FANCI: variants seen among roughly 807,000 people sequenced by gnomAD.
The protein encoded by FANCI is Fanconi anemia group I protein.
A neutral mutation model predicts 176.1 loss-of-function variants in FANCI; 156 were observed. That is an observed-to-expected ratio of 0.89 (90% CI 0.78 to 1.01). The LOEUF (loss-of-function observed/expected upper bound fraction) is 1.01. FANCI is among the 50% of genes least tolerant of loss of function. The probability of loss-of-function intolerance (pLI) is 0.00; values close to 1 mark genes in which losing one functional copy is unlikely to be tolerated. For missense variants in FANCI, 1,678 were observed against 1,534.1 expected (o/e 1.09, Z -1.57); for synonymous variants, 613 against 541.7 (o/e 1.13, Z -1.83).
chr15:89,276,001 T>A (rs2053397215), intron 12 of FANCI, among the ~76,000 whole-genome samples: 1 of 152,248 alleles, frequency 6.6e-6, no homozygotes, highest in African/African-American at 2.4e-5. Context: ...GTATGAATAT[T>A]GTTAACTCTG....
Position 89,291,634 on chromosome 15 carries a change from A to C in FANCI, c.1912A>C (p.Lys638Gln). ...ACAGTTAAAACAGTTCTATGAGCCAAAACCTGATCTGCTGCCTCCTCTGAA... is the reference window on the plus strand; with the variant it reads ...ACAGTTAAAACAGTTCTATGAGCCACAACCTGATCTGCTGCCTCCTCTGAA... ...LSQLKQFYEPKPDLLPPLKLE... is the reference protein window; with the variant it reads ...LSQLKQFYEPQPDLLPPLKLE... Residue 638 changes from lysine to glutamine, a missense_variant, in exon 20 of 38, where the codon AAA becomes CAA. Physicochemically the swap from Lys to Gln is moderately conservative, Grantham distance 53 (BLOSUM62 1). Transcript: ENST00000310775. 6.2e-7 allele frequency: 1 copy of C among 1,613,846 alleles called. No homozygotes were observed. The highest frequency in any genetic ancestry group is 8.5e-7 in the Non-Finnish European group (1 of 1,179,840).
At position 89,260,722 on chromosome 15, in the gene FANCI, G is replaced by T. The variant is rs1278772847; in HGVS notation, c.167G>T (p.Cys56Phe). ...TGTTTAAAACAATAAGGTTCCCCCT[G>T]CTCTGAGGAAGCTGGAACACTTAGG... The part of the protein sequence containing the change: ...LLRAIFKGSP[C>F]SEEAGTLRRR... The change falls in exon 4 of 38, where the codon TGC becomes TTC. Residue 56 changes from cysteine to phenylalanine, a missense_variant. Around this residue, in one of 3 missense-constraint regions of FANCI, gnomAD observed 469 missense variants for 436.9 expected, o/e 1.07. Transcript: ENST00000310775. 1.9e-6 allele frequency: 3 copies of T among 1,613,590 alleles called. No homozygotes were observed. The highest frequency in any genetic ancestry group is 1.7e-6 in the Non-Finnish European group (2 of 1,179,814).
intron 37 of FANCI, among the ~76,000 whole-genome samples, chr15:89,315,909 C>T (rs1289367859): frequency 6.6e-6 from 1 of 152,220 alleles, no homozygotes; most frequent in Non-Finnish European, 1.5e-5. Flanking sequence ...ACTTCTAGCA[C>T]CTAAAATTTT....
intron 20 of FANCI, among the ~76,000 whole-genome samples, chr15:89,291,937 C>T (rs2054085777): frequency 6.6e-6 from 1 of 152,184 alleles, no homozygotes; most frequent in African/African-American, 2.4e-5. Flanking sequence ...TCCATCACTT[C>T]CCCCAGAGAA....
chr15:89,279,203 C>T (rs975573408), intron 14 of FANCI, among the ~76,000 whole-genome samples: 2 of 151,986 alleles, frequency 1.3e-5, no homozygotes, highest in Admixed American at 1.3e-4. Context: ...CACTCTGTTG[C>T]CTGGAGTGCA....
chr15:89,300,937 A>G (rs1447297794), intron 26 of FANCI, among the ~76,000 whole-genome samples: 1 of 152,256 alleles, frequency 6.6e-6, no homozygotes, highest in Non-Finnish European at 1.5e-5. Flanking sequence ...ACACTGACAA[A>G]TAATCAAATA....
intron 34 of FANCI, among the ~76,000 whole-genome samples, chr15:89,311,729 TCTC>T (rs1339097610): frequency 1.3e-5 from 2 of 152,190 alleles, no homozygotes; most frequent in South Asian, 2.1e-4. Flanking sequence ...GTGGAACAAG[TCTC>T]CTGTTTCTCT....
chr15:89,316,892 A>AGCAAAGGAGCTTAAT lies in FANCI; in HGVS notation c.*436_*450dup. On this transcript the variant is annotated 3_prime_UTR_variant, in exon 38 of 38. Coordinates refer to ENST00000310775, the MANE Select transcript of FANCI (RefSeq NM_001113378.2). ...AACTGTAACTGAGAGCTCAGAAGTG[A>AGCAAAGGAGCTTAAT]GCAAAGGAGCTTAATGCTAAGGTCA... The AGCAAAGGAGCTTAAT allele has an allele frequency of 8.6e-7, 1 of 1,156,660 alleles. No individual in the cohort carries two copies. Among genetic ancestry groups the AGCAAAGGAGCTTAAT allele is most frequent in the Non-Finnish European group, 1.3e-6 (1 of 762,366 alleles). The allele number at this position is 1,156,660 out of a possible 1,614,324, so 71.6% of individuals were successfully genotyped here. A position where few individuals can be genotyped will look rare whatever the true frequency, so the allele number is the denominator to read the frequency against.
chr15:89,290,215 G>A lies in FANCI; in HGVS notation c.1824G>A (p.Gly608=), dbSNP rs777877618. ...TTCTTCTCTTTGATTCCTCTTAGGG[G>A]TTTTATGATGTTCTTCGAAGGAACT... ...QADVRLMLYE[G]FYDVLRRNSQ... Residue 608 remains glycine, a splice_region_variant and synonymous_variant, in exon 19 of 38, where the codon GGG becomes GGA. Transcript: ENST00000310775. 1.9e-6 allele frequency: 3 copies of A among 1,612,968 alleles called. No individual in the cohort carries two copies. Among genetic ancestry groups the A allele is most frequent in the South Asian group, 2.2e-5 (2 of 91,054 alleles).
intron 24 of FANCI, among the ~76,000 whole-genome samples, chr15:89,295,842 C>T (rs187980214): frequency 6.7e-5 from 10 of 150,352 alleles, no homozygotes; most frequent in African/African-American, 2.2e-4. Flanking sequence ...GGTGCAATCT[C>T]GGCTCACTAC....
intron 2 of FANCI, among the ~76,000 whole-genome samples, chr15:89,253,321 T>G (rs1486845279): frequency 1.3e-5 from 2 of 151,208 alleles, no homozygotes; most frequent in Non-Finnish European, 2.9e-5. Flanking sequence ...AAGCTCCAAA[T>G]GAATCAGAAA....
rs1312588694 is a variant in FANCI, at chr15:89,296,951, G to C, written c.2636+1857G>C. ...CCCCACCTCCCTCCCGGACGGGGCGGCTGGCCGGGCGGGGGGCTGACCCCC... is the reference window on the plus strand; with the variant it reads ...CCCCACCTCCCTCCCGGACGGGGCGCCTGGCCGGGCGGGGGGCTGACCCCC... On this transcript the variant is annotated intron_variant, in intron 24 of 37. Coordinates refer to ENST00000310775, the MANE Select transcript of FANCI (RefSeq NM_001113378.2). 1.3e-3 allele frequency among the ~76,000 whole-genome samples: 201 copies of C among 149,666 alleles called. 2 individuals are homozygous for C. The highest frequency in any genetic ancestry group is 4.5e-3 in the African/African-American group (179 of 39,922).
chr15:89,313,031 C>A, intron 35 of FANCI, 59 bp downstream of exon 35: 1 of 1,492,196 alleles, frequency 6.7e-7, no homozygotes, highest in Non-Finnish European at 9.3e-7. Context: ...AAACATGAAG[C>A]GGAAGAAGCC....
In FANCI at chr15:89,295,094, G is replaced by A. The variant is rs1488657979; in HGVS notation, c.2636G>A (p.Arg879Gln). Residue 879 changes from arginine to glutamine, a missense_variant and splice_region_variant, in exon 24 of 38, where the codon CGA becomes CAA. Transcript: ENST00000310775. The stretch of plus-strand genomic sequence containing the variant: ...TTTCAGAACCTCTGTGACATAACTC[G>A]GTAAGCCACTCCCACCCCTTAGAAA... ...KIFQNLCDIT[R>Q]VLLWRYTSIP... The A allele has an allele frequency of 3.9e-6, 6 of 1,551,064 alleles. No individual in the cohort carries two copies. The highest frequency in any genetic ancestry group is 5.2e-6 in the Non-Finnish European group (6 of 1,146,904).
chr15:89,292,828 T>C lies in FANCI; in HGVS notation c.2133T>C (p.Asn711=), dbSNP rs2054118261. 6.2e-7 allele frequency: 1 copy of C among 1,614,128 alleles called. No homozygotes were observed. Among genetic ancestry groups the C allele is most frequent in the Admixed American group, 1.7e-5 (1 of 60,026 alleles). The stretch of plus-strand genomic sequence containing the variant: ...ATGATATATTGGAGTCCATTACTAA[T>C]AGAATGATTAAGAGTGAGCTGGAAG... The part of the protein sequence containing the change: ...DLDDILESIT[N]RMIKSELEDF... The change falls in exon 21 of 38, where the codon AAT becomes AAC. Residue 711 remains asparagine (N), a synonymous_variant. Transcript: ENST00000310775.
At chr15:89,248,020 C>G (rs1459562634) in intron 2 of FANCI, among the ~76,000 whole-genome samples, 1 of 152,160 alleles carries the variant, frequency 6.6e-6, no homozygotes, top group Admixed American at 6.5e-5. Flanking sequence ...CTTTTATGGT[C>G]CTCAGAACAA....
intron 17 of FANCI, among the ~76,000 whole-genome samples, 154 bp from the exon 18 acceptor site, chr15:89,284,942 T>A (rs547668785): frequency 6.6e-6 from 1 of 152,340 alleles, no homozygotes; most frequent in East Asian, 1.9e-4. Context: ...TGACACTTAC[T>A]ACTGCATGGT....
rs765168059 is a variant in FANCI, at chr15:89,312,939, A to G, written c.3687A>G (p.Lys1229=). The change falls in exon 35 of 38, where the codon AAA becomes AAG. Residue 1229 remains lysine (K), a synonymous_variant. Transcript: ENST00000310775. The part of the protein sequence containing the change: ...KSKSLNYTGE[K]KEKPAAVATA... Reference sequence around the variant, plus strand: ...AGAGCCTGAACTATACGGGAGAGAAAAAGGAGAAACCTGCTGCCGTTGCCA... The same window carrying G: ...AGAGCCTGAACTATACGGGAGAGAAGAAGGAGAAACCTGCTGCCGTTGCCA... The G allele has an allele frequency of 1.2e-6, 2 of 1,614,064 alleles. No homozygotes were observed. Among genetic ancestry groups the G allele is most frequent in the South Asian group, 2.2e-5 (2 of 91,072 alleles).
rs981238373 is a variant in FANCI at position 89,251,856 on chromosome 15, C to T, written c.84+4125C>T. Among the ~76,000 whole-genome samples the T allele has an allele frequency of 2.6e-5, 4 of 152,266 alleles. No individual in the cohort carries two copies. The East Asian group carries it at 7.7e-4, about 29-fold the overall frequency. On this transcript the variant is annotated intron_variant, in intron 2 of 37. Coordinates refer to ENST00000310775, the MANE Select transcript of FANCI (RefSeq NM_001113378.2). ...ATCATAAAATGTATATATCTAAATT[C>T]TAGAGTCAGCATCTTAGTGGGAAAC... is the stretch of plus-strand genomic sequence containing the variant.
Sources: gnomAD v4.1 joint callset for allele counts (sites outside exome capture counted in the v4.1 genomes callset) on GRCh38, gnomAD v4.1.1 for gene constraint, gnomAD v4.1.1 regional missense constraint, MANE v1.5 for transcripts, NCBI Gene and HGNC (gene_info 2026-07-23, HGNC 2026-07-21) for gene names.